The following BMPER variants were observed in gnomAD, a reference collection of about 807,000 sequenced individuals.
BMPER encodes BMP binding endothelial regulator, also known as BMP-binding endothelial regulator protein.
In BMPER, 45 loss-of-function variants were observed where a neutral mutation model predicts 87.3. The ratio of observed to expected loss-of-function variants is 0.52; its 90% CI spans 0.41 to 0.66. The LOEUF (loss-of-function observed/expected upper bound fraction) is 0.66. Among genes scored for constraint, BMPER ranks in the 30% least tolerant of loss-of-function variants. The pLI is 0.00. For missense variants in BMPER, 784 were observed against 867.5 expected, an observed-to-expected ratio of 0.90 and a Z score of 1.21; for synonymous variants, 326 against 316.2, an observed-to-expected ratio of 1.03 and a Z score of -0.33.
chr7:34,122,354 C>T (rs1437560629), intron 13 of BMPER, among the ~76,000 whole-genome samples: 1 of 152,212 alleles, frequency 6.6e-6, no homozygotes, highest in African/African-American at 2.4e-5. Flanking sequence ...GCTTCTCAAA[C>T]TTCCAAGCAC....
chr7:34,108,507 C>T (rs560387997), intron 13 of BMPER, among the ~76,000 whole-genome samples: 4 of 152,302 alleles, frequency 2.6e-5, no homozygotes, highest in African/African-American at 9.6e-5. Flanking sequence ...TGCTGGAAAG[C>T]ATTATGACAT....
chr7:34,085,850 T>C lies in BMPER; in HGVS notation c.1503T>C (p.Asn501=). The change falls in exon 13 of 15, where the codon AAT becomes AAC. Residue 501 remains asparagine, a synonymous_variant. Coordinates refer to ENST00000649409, the MANE Select transcript of BMPER (RefSeq NM_001365308.1). ...TCTGTGGTCTTTGTGGCAACTACAA[T>C]GGACATAAACGTGATGACTTAATTG... The part of the protein sequence containing the change: ...GKLCGLCGNY[N]GHKRDDLIGG... 3 of 1,614,172 alleles carry C rather than the reference T, an allele frequency of 1.9e-6. No homozygotes were observed. Among genetic ancestry groups the C allele is most frequent in the Non-Finnish European group, 2.5e-6 (3 of 1,180,036 alleles).
At chr7:34,029,565 G>A (rs1011328804) in intron 6 of BMPER, among the ~76,000 whole-genome samples, 2 of 152,098 alleles carry the variant, frequency 1.3e-5, no homozygotes, top group African/African-American at 4.8e-5. Context: ...AGCCTCACTT[G>A]TGGCCCTATG....
rs114035456 is a variant in BMPER at position 33,924,202 on chromosome 7, C to T, written c.220-13087C>T. On this transcript the variant is annotated intron_variant, in intron 2 of 14. Transcript: ENST00000649409. ...CCTGGATTCCTCTTTCTCTTACATC[C>T]CATGTTCTATTCATTAGCAACTCTT... 8.1e-3 allele frequency among the ~76,000 whole-genome samples: 1,241 copies of T among 152,302 alleles called. 19 individuals carry two copies. The highest frequency in any genetic ancestry group is 0.028 in the African/African-American group (1,156 of 41,560).
At chr7:34,112,117 C>T (rs865975295) in intron 13 of BMPER, among the ~76,000 whole-genome samples, 6 of 152,068 alleles carry the variant, frequency 3.9e-5, no homozygotes, top group African/African-American at 1.4e-4. Context: ...TGAAATTCTT[C>T]CTTTTAGCAA....
At chr7:34,094,667 G>A (rs1789482676) in intron 13 of BMPER, among the ~76,000 whole-genome samples, 1 of 152,198 alleles carries the variant, frequency 6.6e-6, no homozygotes, top group Admixed American at 6.5e-5. Context: ...TTGCTGTTAG[G>A]CAGGCGAGCT....
At chr7:33,926,279 C>CA (rs1185693932) in intron 2 of BMPER, among the ~76,000 whole-genome samples, 1 of 152,232 alleles carries the variant, frequency 6.6e-6, no homozygotes, top group African/African-American at 2.4e-5. Context: ...TTTATAGCCC[C>CA]ATGCCACATG....
At chr7:33,935,392 C>G (rs1179756925) in intron 2 of BMPER, among the ~76,000 whole-genome samples, 1 of 152,140 alleles carries the variant, frequency 6.6e-6, no homozygotes, top group African/African-American at 2.4e-5. Flanking sequence ...AACAAATACC[C>G]ATGCCTGGTC....
At chr7:34,129,266 G>A (rs1044969760) in intron 13 of BMPER, among the ~76,000 whole-genome samples, 2 of 151,966 alleles carry the variant, frequency 1.3e-5, no homozygotes, top group African/African-American at 4.8e-5. Context: ...ACTTTGGGAG[G>A]CTGAGGTGGG....
chr7:34,095,119 G>T (rs1789494603), intron 13 of BMPER, among the ~76,000 whole-genome samples: 1 of 152,264 alleles, frequency 6.6e-6, no homozygotes, highest in Non-Finnish European at 1.5e-5. Context: ...AGATTGAACT[G>T]AAGGGGAAGG....
At chr7:34,050,971 G>C (rs1003763290) in intron 7 of BMPER, among the ~76,000 whole-genome samples, 2 of 152,088 alleles carry the variant, frequency 1.3e-5, no homozygotes, top group Non-Finnish European at 1.5e-5. Context: ...ATCTTAGTCT[G>C]TTTAGTCTAC....
At chr7:34,148,494 C>A (rs1332203428) in intron 14 of BMPER, among the ~76,000 whole-genome samples, 1 of 151,876 alleles carries the variant, frequency 6.6e-6, no homozygotes, top group Admixed American at 6.6e-5. Flanking sequence ...TTTTATTCCC[C>A]AGGCTTAAGA....
intron 14 of BMPER, among the ~76,000 whole-genome samples, chr7:34,148,591 TAC>T (rs1791089152): frequency 6.6e-6 from 1 of 152,172 alleles, no homozygotes; most frequent in African/African-American, 2.4e-5. Context: ...TGAAGGATCA[TAC>T]AAGAGAGAGA....
intron 4 of BMPER, 100 bp downstream of exon 4, chr7:33,966,661 A>C: frequency 8.7e-7 from 1 of 1,154,076 alleles, no homozygotes; most frequent in Non-Finnish European, 1.3e-6. Context: ...AAAAGGCCAA[A>C]CAGAAATGAA....
At chr7:34,097,008 A>G (rs553838523) in intron 13 of BMPER, among the ~76,000 whole-genome samples, 1 of 152,372 alleles carries the variant, frequency 6.6e-6, no homozygotes, top group South Asian at 2.1e-4. Flanking sequence ...CTTGCAGGGC[A>G]TGTTAATGAA....
At chr7:34,015,168 A>G (rs1786986712) in intron 6 of BMPER, among the ~76,000 whole-genome samples, 1 of 152,008 alleles carries the variant, frequency 6.6e-6, no homozygotes, top group Non-Finnish European at 1.5e-5. Flanking sequence ...GTTACACAGA[A>G]GTTAAGAAAA....
intron 8 of BMPER, among the ~76,000 whole-genome samples, chr7:34,053,837 G>A (rs1788209101): frequency 6.6e-6 from 1 of 152,176 alleles, no homozygotes. Context: ...ATTTCTGAGT[G>A]TAAGTGGACC....
chr7:34,066,221 A>G (rs1204206019), intron 11 of BMPER, among the ~76,000 whole-genome samples: 2 of 152,210 alleles, frequency 1.3e-5, no homozygotes, highest in African/African-American at 2.4e-5. Flanking sequence ...ACAATTTTGT[A>G]GGTAAGAAAT....
At chr7:34,073,229 C>T (rs11525055) in intron 11 of BMPER, among the ~76,000 whole-genome samples, 28,812 of 151,880 alleles carry the variant, frequency 0.19, 2,870 homozygotes, top group Middle Eastern at 0.25. Context: ...ACATATATAC[C>T]GTTATATGTT....
Sources: allele counts gnomAD v4.1 joint callset (sites outside exome capture counted in the v4.1 genomes callset), GRCh38; gene constraint gnomAD v4.1.1; transcripts MANE v1.5; gene names NCBI Gene and HGNC (gene_info 2026-07-23, HGNC 2026-07-21).